The following AUTS2 variants were observed in gnomAD, a reference collection of about 807,000 sequenced individuals.
AUTS2 encodes the protein activator of transcription and developmental regulator AUTS2, also known as autism susceptibility gene 2 protein.
In AUTS2, 17 loss-of-function variants were observed where a neutral mutation model predicts 112.4. The ratio of observed to expected loss-of-function variants is 0.15; its 90% CI spans 0.10 to 0.23. The LOEUF is 0.23. AUTS2 is among the 10% of genes least tolerant of loss of function. AUTS2 has a pLI of 1.00. For synonymous variants in AUTS2, 751 were observed against 702.7 expected (o/e 1.07, Z -1.09); for missense variants, 1,510 against 1,701.6 (o/e 0.89, Z 1.98).
intron 4 of AUTS2, among the ~76,000 whole-genome samples, chr7:70,186,440 T>G (rs1296522285): frequency 6.6e-6 from 1 of 152,138 alleles, no homozygotes; most frequent in Non-Finnish European, 1.5e-5. Context: ...GGTGGTTATA[T>G]TTTTGGCTTT....
chr7:70,286,311 T>C (rs760446621), intron 4 of AUTS2, among the ~76,000 whole-genome samples: 7 of 152,162 alleles, frequency 4.6e-5, no homozygotes, highest in African/African-American at 7.2e-5. Flanking sequence ...TGTGGAAGAG[T>C]ATCAGTAAAA....
At chr7:70,028,065 C>CG (rs970136093) in intron 2 of AUTS2, among the ~76,000 whole-genome samples, 1 of 146,850 alleles carries the variant, frequency 6.8e-6, no homozygotes, top group African/African-American at 2.5e-5. Context: ...GCTCTGTCCG[C>CG]CCCCCCCACC....
intron 5 of AUTS2, among the ~76,000 whole-genome samples, chr7:70,450,469 G>A (rs1210814161): frequency 6.6e-6 from 1 of 152,224 alleles, no homozygotes; most frequent in Non-Finnish European, 1.5e-5. Flanking sequence ...GCAAATAACA[G>A]AGTTAGGAAA....
chr7:70,028,858 C>T (rs1800642841), intron 2 of AUTS2, among the ~76,000 whole-genome samples: 1 of 152,148 alleles, frequency 6.6e-6, no homozygotes, highest in Admixed American at 6.5e-5. Flanking sequence ...CTCTCTATTG[C>T]CTGCGAATTG....
At chr7:70,418,103 G>GTGTC (rs1554396535) in intron 4 of AUTS2, among the ~76,000 whole-genome samples, 82 of 149,120 alleles carry the variant, frequency 5.5e-4, no homozygotes, top group African/African-American at 1.8e-3. Flanking sequence ...GTGTGTGTGT[G>GTGTC]TGTGTGTGTC....
chr7:69,965,002 C>T (rs1797580917), intron 2 of AUTS2, among the ~76,000 whole-genome samples: 1 of 152,038 alleles, frequency 6.6e-6, no homozygotes, highest in Admixed American at 6.6e-5. Flanking sequence ...TTGTCCTGCC[C>T]ATTTCCTCCC....
intron 2 of AUTS2, among the ~76,000 whole-genome samples, chr7:69,981,016 C>G (rs201592043): frequency 6.6e-6 from 1 of 152,122 alleles, no homozygotes; most frequent in East Asian, 1.9e-4. Context: ...TTCCCTTTCC[C>G]AGTCTTTCTA....
At chr7:70,146,195 A>G (rs568410736) in intron 4 of AUTS2, among the ~76,000 whole-genome samples, 27 of 152,178 alleles carry the variant, frequency 1.8e-4, no homozygotes, top group Middle Eastern at 3.4e-3. Flanking sequence ...CTAAGCCTCA[A>G]TGGTTGATAC....
intron 2 of AUTS2, among the ~76,000 whole-genome samples, chr7:70,077,819 T>C (rs1224046346): frequency 6.6e-6 from 1 of 152,148 alleles, no homozygotes; most frequent in Non-Finnish European, 1.5e-5. Flanking sequence ...GCTCCCTTTC[T>C]TTTTCACTGC....
At chr7:70,599,353 A>T (rs1234619610) in intron 5 of AUTS2, among the ~76,000 whole-genome samples, 1 of 152,158 alleles carries the variant, frequency 6.6e-6, no homozygotes, top group Non-Finnish European at 1.5e-5. Context: ...GACCTAGTAA[A>T]TGTGGTATCT....
chr7:69,735,807 G>T (rs1221152718), intron 1 of AUTS2, among the ~76,000 whole-genome samples: 1 of 152,186 alleles, frequency 6.6e-6, no homozygotes, highest in Non-Finnish European at 1.5e-5. Flanking sequence ...GCCAGTGCAG[G>T]GGACTAGCAC....
chr7:69,984,306 C>G (rs1334690204), intron 2 of AUTS2, among the ~76,000 whole-genome samples: 1 of 150,236 alleles, frequency 6.7e-6, no homozygotes, highest in Non-Finnish European at 1.5e-5. Flanking sequence ...ACTTGGGAGG[C>G]TGAGGCAGGA....
chr7:70,197,017 T>C (rs909184699), intron 4 of AUTS2, among the ~76,000 whole-genome samples: 3 of 152,246 alleles, frequency 2.0e-5, no homozygotes, highest in Non-Finnish European at 4.4e-5. Flanking sequence ...TAATAACTTT[T>C]CTTTGTGCCA....
At chr7:70,312,871 G>A (rs755351752) in intron 4 of AUTS2, among the ~76,000 whole-genome samples, 1 of 152,158 alleles carries the variant, frequency 6.6e-6, no homozygotes, top group Non-Finnish European at 1.5e-5. Flanking sequence ...ATAGCCACAG[G>A]TAGCTAATGT....
intron 4 of AUTS2, among the ~76,000 whole-genome samples, chr7:70,332,671 C>T (rs1790811668): frequency 1.3e-5 from 2 of 152,192 alleles, no homozygotes; most frequent in South Asian, 4.2e-4. Flanking sequence ...CAACTACAAC[C>T]ATCTGATCTT....
At chr7:70,061,214 A>G (rs1802230627) in intron 2 of AUTS2, among the ~76,000 whole-genome samples, 1 of 152,154 alleles carries the variant, frequency 6.6e-6, no homozygotes, top group Non-Finnish European at 1.5e-5. Flanking sequence ...TGGAGACAGT[A>G]CTTTCTGGAA....
chr7:70,449,635 G>C (rs1796449816), intron 5 of AUTS2, among the ~76,000 whole-genome samples: 1 of 152,150 alleles, frequency 6.6e-6, no homozygotes, highest in Non-Finnish European at 1.5e-5. Flanking sequence ...AAGCTGCCTG[G>C]GTCATCCAAA....
At chr7:70,286,501 T>C (rs1490399950) in intron 4 of AUTS2, among the ~76,000 whole-genome samples, 1 of 152,242 alleles carries the variant, frequency 6.6e-6, no homozygotes, top group Non-Finnish European at 1.5e-5. Flanking sequence ...ACTATGATTA[T>C]GCTAGAGTAT....
At chr7:69,770,084 A>AGTG (rs1788596361) in intron 1 of AUTS2, among the ~76,000 whole-genome samples, 2 of 152,348 alleles carry the variant, frequency 1.3e-5, no homozygotes, top group South Asian at 2.1e-4. Context: ...AGGGTAAGGA[A>AGTG]GTGTAGGCCC....
Sources: gnomAD v4.1 joint callset for allele counts (sites outside exome capture counted in the v4.1 genomes callset) on GRCh38, gnomAD v4.1.1 for gene constraint, MANE v1.5 for transcripts, NCBI Gene and HGNC (gene_info 2026-07-23, HGNC 2026-07-21) for gene names.